The following HERC5 variants were observed in gnomAD, a reference collection of about 807,000 sequenced individuals.
HERC5 encodes the protein E3 ISG15--protein ligase HERC5.
A neutral mutation model predicts 119.6 loss-of-function variants in HERC5; 99 were observed. The ratio of observed to expected loss-of-function variants is 0.83; its 90% CI spans 0.70 to 0.98. HERC5 has a LOEUF of 0.98. HERC5 is among the 50% of genes least tolerant of loss of function. The pLI, the probability that HERC5 is intolerant of heterozygous loss-of-function variation, is 0.00. For missense variants in HERC5, 1,267 were observed against 1,241.3 expected, an observed-to-expected ratio of 1.02 and a Z score of -0.31; for synonymous variants, 478 against 445.9, an observed-to-expected ratio of 1.07 and a Z score of -0.91.
chr4:88,483,636 G>A (rs1223911969), intron 13 of HERC5, among the ~76,000 whole-genome samples: 4 of 147,150 alleles, frequency 2.7e-5, no homozygotes, highest in Admixed American at 2.1e-4. Flanking sequence ...TCAAGCTATC[G>A]TCGTGCCTCA....
chr4:88,474,685 G>A (rs1257817338), intron 11 of HERC5, among the ~76,000 whole-genome samples: 1 of 152,168 alleles, frequency 6.6e-6, no homozygotes, highest in African/African-American at 2.4e-5. Context: ...TTTGGAGTCA[G>A]AAAGATCCAG....
intron 1 of HERC5, chr4:88,457,767 A>G (rs1740226952): frequency 1.5e-6 from 1 of 654,536 alleles, no homozygotes; most frequent in Non-Finnish European, 2.2e-6. Flanking sequence ...TCCGCTCAGC[A>G]AAGTGGCCGG....
chr4:88,488,644 C>CAGAA (rs1741542624), intron 15 of HERC5, among the ~76,000 whole-genome samples: 1 of 152,054 alleles, frequency 6.6e-6, no homozygotes, highest in East Asian at 1.9e-4. Context: ...CTTCAATTAA[C>CAGAA]TTCTTAGGTA....
chr4:88,490,295 T>A (rs917660316), intron 16 of HERC5, among the ~76,000 whole-genome samples: 1 of 152,216 alleles, frequency 6.6e-6, no homozygotes, highest in African/African-American at 2.4e-5. Flanking sequence ...GATTCTGTTT[T>A]TCCCTCATTT....
chr4:88,465,637 T>C (rs542570025), intron 6 of HERC5, among the ~76,000 whole-genome samples: 1 of 152,318 alleles, frequency 6.6e-6, no homozygotes, highest in African/African-American at 2.4e-5. Flanking sequence ...TTGAGTAGCA[T>C]GTATTACAAG....
In HERC5 at chr4:88,457,405, C is replaced by T. The variant is rs1740191580; in HGVS notation, c.136C>T (p.Leu46=). ...CAGCGCCGCGGGCCTCCACCGCGCGCTGCTCCGGAGGGTGGAGGTGACGCG... is the reference window on the plus strand; with the variant it reads ...CAGCGCCGCGGGCCTCCACCGCGCGTTGCTCCGGAGGGTGGAGGTGACGCG... The part of the protein sequence containing the change: ...FPSAAGLHRA[L]LRRVEVTRQL... The change falls in exon 1 of 23, where the codon CTG becomes TTG. Residue 46 remains leucine (L), a synonymous_variant. Transcript: ENST00000264350. The T allele has an allele frequency of 1.0e-5, 14 of 1,399,300 alleles. No individual in the cohort carries two copies. Among genetic ancestry groups the T allele is most frequent in the Non-Finnish European group, 1.3e-5 (14 of 1,079,548 alleles). 86.7% of individuals were successfully genotyped at this position (1,399,300 alleles called of 1,614,324 possible).
At chr4:88,474,693 C>A (rs1740997125) in intron 11 of HERC5, among the ~76,000 whole-genome samples, 2 of 152,120 alleles carry the variant, frequency 1.3e-5, no homozygotes, top group African/African-American at 4.8e-5. Context: ...CAGAAAGATC[C>A]AGAGAAATTC....
At chr4:88,500,024 G>A in intron 19 of HERC5, 32 bp downstream of exon 19, 2 of 1,310,578 alleles carry the variant, frequency 1.5e-6, no homozygotes. Context: ...TAACAGATTA[G>A]TTTTAATCTG....
At chr4:88,465,511 G>A (rs1359216444) in intron 6 of HERC5, among the ~76,000 whole-genome samples, 2 of 152,070 alleles carry the variant, frequency 1.3e-5, no homozygotes, top group African/African-American at 2.4e-5. Flanking sequence ...CCAAATTATC[G>A]GAATATGAGT....
chr4:88,487,324 C>T lies in HERC5; in HGVS notation c.1962+145C>T, dbSNP rs369379391. On this transcript the variant is annotated intron_variant, in intron 15 of 22. Coordinates refer to ENST00000264350, the MANE Select transcript of HERC5 (RefSeq NM_016323.4). ...CAAGGAGCTTATACTCTAATGAAGA[C>T]GGCAAGGCAGACTGTCATAATTTGA... The T allele has an allele frequency of 3.2e-4, 170 of 526,486 alleles. 3 individuals carry two copies. The South Asian group carries it at 4.1e-3, about 13-fold the overall frequency. The allele number at this position is 526,486 out of a possible 1,614,324, so 32.6% of individuals were successfully genotyped here. A position where few individuals can be genotyped will look rare whatever the true frequency, so the allele number is the denominator to read the frequency against.
chr4:88,500,865 T>G, intron 19 of HERC5, 50 bp from the exon 20 acceptor site: 1 of 1,297,968 alleles, frequency 7.7e-7, no homozygotes, highest in Non-Finnish European at 1.1e-6. Flanking sequence ...TGATGATAGA[T>G]TGTTCAGAAT....
chr4:88,457,856 C>G (rs1253294624), intron 1 of HERC5: 2 of 993,832 alleles, frequency 2.0e-6, no homozygotes, highest in East Asian at 5.0e-5. Flanking sequence ...TTTGTACCCC[C>G]GTCCCCCGCC....
chr4:88,478,511 G>A (rs1741161159), intron 12 of HERC5, among the ~76,000 whole-genome samples: 1 of 152,070 alleles, frequency 6.6e-6, no homozygotes, highest in Non-Finnish European at 1.5e-5. Flanking sequence ...CAAGTTTAGA[G>A]ATCTACTAGA....
At chr4:88,476,121 T>C (rs1333153196) in intron 12 of HERC5, 91 bp downstream of exon 12, 4 of 1,015,446 alleles carry the variant, frequency 3.9e-6, no homozygotes, top group Non-Finnish European at 5.8e-6. Flanking sequence ...TACTTAGAAA[T>C]GTATTCATTT....
intron 9 of HERC5, among the ~76,000 whole-genome samples, chr4:88,469,590 A>G (rs1376039589): frequency 6.6e-6 from 1 of 152,210 alleles, no homozygotes; most frequent in Non-Finnish European, 1.5e-5. Context: ...GCAATCTAAA[A>G]GCAGAATTTC....
chr4:88,457,533 G>A lies in HERC5; in HGVS notation c.264G>A (p.Pro88=). The A allele has an allele frequency of 7.9e-7, 1 of 1,267,924 alleles. No individual in the cohort carries two copies. Among genetic ancestry groups the A allele is most frequent in the Non-Finnish European group, 9.9e-7 (1 of 1,006,426 alleles). 78.5% of individuals were successfully genotyped at this position (1,267,924 alleles called of 1,614,324 possible). ...CCGGGAGCGGCGGCGCCCGGACGCCGAGTGAGTGGGGCTGGTGTGTGAGGG... is the reference window on the plus strand; with the variant it reads ...CCGGGAGCGGCGGCGCCCGGACGCCAAGTGAGTGGGGCTGGTGTGTGAGGG... ...LLAGSGGART[P]KCIKLGKNMK... is the part of the protein sequence containing the mutation. The change falls in exon 1 of 23, where the codon CCG becomes CCA. Residue 88 remains proline, a splice_region_variant and synonymous_variant. Coordinates refer to ENST00000264350, the MANE Select transcript of HERC5 (RefSeq NM_016323.4).
intron 1 of HERC5, among the ~76,000 whole-genome samples, chr4:88,458,918 A>G (rs1420368400): frequency 1.3e-5 from 2 of 152,092 alleles, no homozygotes; most frequent in Admixed American, 6.5e-5. Context: ...GGAAGTGTTT[A>G]TTACTGTTAT....
At chr4:88,476,920 A>C (rs534660795) in intron 12 of HERC5, among the ~76,000 whole-genome samples, 127 of 142,864 alleles carry the variant, frequency 8.9e-4, no homozygotes, top group African/African-American at 2.2e-3. Flanking sequence ...ACTCCGTCCC[A>C]AAAAAAAAAG....
intron 10 of HERC5, among the ~76,000 whole-genome samples, chr4:88,471,194 T>C (rs1267777406): frequency 6.6e-6 from 1 of 152,118 alleles, no homozygotes; most frequent in Non-Finnish European, 1.5e-5. Flanking sequence ...GGTCTCGAAC[T>C]CCTGAGCTCA....
Sources: allele counts gnomAD v4.1 joint callset (sites outside exome capture counted in the v4.1 genomes callset), GRCh38; gene constraint gnomAD v4.1.1; transcripts MANE v1.5; gene names NCBI Gene and HGNC (gene_info 2026-07-23, HGNC 2026-07-21).